The following ITGAM variants were observed in gnomAD, a reference collection of about 807,000 sequenced individuals.
ITGAM encodes integrin subunit alpha M, also known as integrin alpha-M.
In ITGAM, 79 loss-of-function variants were observed where a neutral mutation model predicts 137.5. That is an observed-to-expected ratio of 0.57 (90% CI 0.48 to 0.69). The LOEUF is 0.69. Among genes scored for constraint, ITGAM ranks in the 30% least tolerant of loss-of-function variants. The pLI, the probability that ITGAM is intolerant of heterozygous loss-of-function variation, is 0.00. For missense variants in ITGAM, 1,343 were observed against 1,483.5 expected (o/e 0.91, Z 1.56); for synonymous variants, 583 against 592.3 (o/e 0.98, Z 0.23).
intron 14 of ITGAM, among the ~76,000 whole-genome samples, chr16:31,311,003 T>C (rs905045467): frequency 1.3e-5 from 2 of 152,118 alleles, no homozygotes; most frequent in African/African-American, 2.4e-5. Flanking sequence ...ATCTGATCTT[T>C]GACAAACCTG....
intron 14 of ITGAM, among the ~76,000 whole-genome samples, chr16:31,307,765 T>G (rs1458461336): frequency 2.0e-5 from 3 of 152,014 alleles, no homozygotes; most frequent in Non-Finnish European, 2.9e-5. Flanking sequence ...GTCCATTCAG[T>G]ATGATATTGG....
intron 5 of ITGAM, among the ~76,000 whole-genome samples, chr16:31,268,225 G>A (rs761657406): frequency 2.1e-4 from 32 of 152,194 alleles, no homozygotes; most frequent in Middle Eastern, 3.4e-3. Flanking sequence ...TTTCACCCAC[G>A]TGTTCTTCTT....
chr16:31,279,298 T>C (rs972121900), intron 12 of ITGAM, among the ~76,000 whole-genome samples: 1 of 152,122 alleles, frequency 6.6e-6, no homozygotes, highest in African/African-American at 2.4e-5. Context: ...TTCTAGATCC[T>C]TGAGGAATCG....
At chr16:31,298,097 G>A (rs924483581) in intron 14 of ITGAM, 143 bp downstream of exon 14, 1 of 755,180 alleles carries the variant, frequency 1.3e-6, no homozygotes, top group Non-Finnish European at 2.2e-6. Context: ...GCTGGGCCTG[G>A]TGGCTGACGC....
At chr16:31,299,309 T>C (rs1286875066) in intron 14 of ITGAM, among the ~76,000 whole-genome samples, 1 of 152,140 alleles carries the variant, frequency 6.6e-6, no homozygotes, top group Non-Finnish European at 1.5e-5. Flanking sequence ...TTGGCTGTTT[T>C]ATTTTTTTTT....
Position 31,324,721 on chromosome 16 carries a change from C to G in ITGAM, c.2228C>G (p.Ser743Cys), listed in dbSNP as rs1008434068. ...LNFSLVGTPL[S>C]AFGNLRPVLA... ...TTCTCTCTGGTGGGAACGCCATTGT[C>G]TGCTTTCGGGAACCTCCGGCCAGTG... The change falls in exon 18 of 30, where the codon TCT (serine) becomes TGT (cysteine). Residue 743 changes from serine to cysteine, a missense_variant. Transcript: ENST00000544665. The surrounding 1 kb of genome is among the most constrained non-coding windows in gnomAD (Gnocchi z 4.5). 7 of 1,600,222 alleles carry G rather than the reference C, an allele frequency of 4.4e-6. No homozygotes were observed. The highest frequency in any genetic ancestry group is 1.3e-5 in the African/African-American group (1 of 74,374).
chr16:31,326,813 T>C, intron 21 of ITGAM, 43 bp from the exon 22 acceptor site: 1 of 1,362,758 alleles, frequency 7.3e-7, no homozygotes, highest in South Asian at 1.2e-5. Flanking sequence ...GGTTATTTTT[T>C]CTCTCATATT....
At position 31,324,800 on chromosome 16, in the gene ITGAM, G is replaced by T. The variant is rs755930167; in HGVS notation, c.2289+18G>T. Reference sequence around the variant, plus strand: ...CAGCCTTGGTGAGTCCAGAGTTGGGGTCCTGCAGGGGTGTGGAAGAGACCA... The same window carrying T: ...CAGCCTTGGTGAGTCCAGAGTTGGGTTCCTGCAGGGGTGTGGAAGAGACCA... On this transcript the variant is annotated intron_variant, in intron 18 of 29. Coordinates refer to ENST00000544665, the MANE Select transcript of ITGAM (RefSeq NM_000632.4). This position sits in a 1 kb window ranked among gnomAD's most constrained non-coding sequence, Gnocchi z 4.5. The T allele has an allele frequency of 1.3e-6, 2 of 1,549,736 alleles. No homozygotes were observed. Among genetic ancestry groups the T allele is most frequent in the Non-Finnish European group, 1.7e-6 (2 of 1,150,936 alleles).
chr16:31,301,529 A>G (rs1020829269), intron 14 of ITGAM, among the ~76,000 whole-genome samples: 1 of 152,228 alleles, frequency 6.6e-6, no homozygotes, highest in Non-Finnish European at 1.5e-5. Flanking sequence ...AAAGAAAGAC[A>G]CTTATATTCG....
intron 12 of ITGAM, among the ~76,000 whole-genome samples, chr16:31,285,141 A>G (rs2080014971): frequency 6.6e-6 from 1 of 152,134 alleles, no homozygotes. Context: ...TGAGGGCTGC[A>G]TGCACCAGTA....
In ITGAM at chr16:31,325,549, C is replaced by G; in HGVS notation, c.2555C>G (p.Ser852Cys). 6.2e-7 allele frequency: 1 copy of G among 1,613,980 alleles called. No individual in the cohort carries two copies. Among genetic ancestry groups the G allele is most frequent in the Non-Finnish European group, 8.5e-7 (1 of 1,179,886 alleles). The stretch of plus-strand genomic sequence containing the variant: ...CGCCTGGCCTGTGAGTCTGCCTCCT[C>G]CACCGAAGTGTCTGGGGCCTTGAAG... ...SWRLACESAS[S>C]TEVSGALKST... The change falls in exon 21 of 30, where the codon TCC becomes TGC. Residue 852 changes from serine to cysteine, a missense_variant. Physicochemically the swap from Ser to Cys is moderately radical, Grantham distance 112. Transcript: ENST00000544665.
chr16:31,315,859 G>A (rs1050712831), intron 14 of ITGAM, among the ~76,000 whole-genome samples: 1 of 152,046 alleles, frequency 6.6e-6, no homozygotes, highest in Non-Finnish European at 1.5e-5. Context: ...TAAAAAGACT[G>A]TCCTTTCCCC....
intron 5 of ITGAM, among the ~76,000 whole-genome samples, chr16:31,269,681 AGCCCTGG>A (rs2079807376): frequency 6.6e-6 from 1 of 152,178 alleles, no homozygotes; most frequent in South Asian, 2.1e-4. Context: ...GGACTTTCCA[AGCCCTGG>A]GCAAGCAGGT....
intron 14 of ITGAM, among the ~76,000 whole-genome samples, chr16:31,300,414 C>T (rs929833915): frequency 6.6e-6 from 1 of 152,194 alleles, no homozygotes; most frequent in Non-Finnish European, 1.5e-5. Context: ...TGCAAAGGTT[C>T]TGATTTTTCC....
intron 14 of ITGAM, among the ~76,000 whole-genome samples, chr16:31,305,674 G>GT (rs1229482386): frequency 6.6e-6 from 1 of 151,902 alleles, no homozygotes; most frequent in Non-Finnish European, 1.5e-5. Context: ...AATCATAAAG[G>GT]GATGCTGGAT....
chr16:31,271,871 G>T lies in ITGAM; in HGVS notation c.583G>T (p.Glu195Ter), dbSNP rs1260753044. ...TLFSLMQYSE[E>*]FRIHFTFKEF... Reference sequence around the variant, plus strand: ...GTTCTCTTTGATGCAGTACTCTGAAGAATTCCGGATTCACTTTACCTTCAA... The same window carrying T: ...GTTCTCTTTGATGCAGTACTCTGAATAATTCCGGATTCACTTTACCTTCAA... The change falls in exon 7 of 30, where the codon GAA becomes TAA. Residue 195 changes from glutamate (E) to a stop codon, truncating the protein, a stop_gained. Transcript: ENST00000544665. LOFTEE classifies it high-confidence loss of function. 2 of 1,614,028 alleles carry T rather than the reference G, an allele frequency of 1.2e-6. No homozygotes were observed. Among genetic ancestry groups the T allele is most frequent in the East Asian group, 4.5e-5 (2 of 44,876 alleles).
chr16:31,269,459 G>A (rs925788469), intron 5 of ITGAM, among the ~76,000 whole-genome samples: 4 of 152,084 alleles, frequency 2.6e-5, no homozygotes, highest in Admixed American at 1.3e-4. Flanking sequence ...TATAAACTAA[G>A]TGTCTCCCAA....
rs116037476 is a variant in ITGAM at position 31,328,198 on chromosome 16, G to A, written c.2760G>A (p.Pro920=). 997 of 1,613,942 alleles carry A rather than the reference G, an allele frequency of 6.2e-4. 3 individuals are homozygous for A. The African/African-American group carries it at 0.011, about 18-fold the overall frequency. The change falls in exon 23 of 30, where the codon CCG becomes CCA. Residue 920 remains proline (P), a synonymous_variant. Transcript: ENST00000544665. The stretch of plus-strand genomic sequence containing the variant: ...AAACCGAATTCCAACTGGAGCTGCC[G>A]GTGAAATATGCTGTCTACATGGTGG... ...TNKTEFQLEL[P]VKYAVYMVVT...
intron 5 of ITGAM, among the ~76,000 whole-genome samples, chr16:31,267,770 C>T (rs975994319): frequency 1.3e-5 from 2 of 151,956 alleles, no homozygotes; most frequent in African/African-American, 2.4e-5. Context: ...CTTGTGCCTC[C>T]GCCTCCAGAG....
Sources: allele counts gnomAD v4.1 joint callset (sites outside exome capture counted in the v4.1 genomes callset), GRCh38; gene constraint gnomAD v4.1.1; non-coding constraint Gnocchi (gnomAD v3.1); transcripts MANE v1.5; gene names NCBI Gene and HGNC (gene_info 2026-07-23, HGNC 2026-07-21).